The following HLA-DQA1 variants were observed in gnomAD, a reference collection of about 807,000 sequenced individuals.
HLA-DQA1 encodes HLA class II histocompatibility antigen, DQ alpha 1 chain.
In HLA-DQA1, 10 loss-of-function variants were observed where a neutral mutation model predicts 20.7. That is an observed-to-expected ratio of 0.48 (90% confidence interval 0.30 to 0.82). The LOEUF is 0.82. Among genes scored for constraint, HLA-DQA1 ranks in the 40% least tolerant of loss-of-function variants. The pLI is 0.07. For synonymous variants in HLA-DQA1, 39 were observed against 109.2 expected (o/e 0.36, Z 4.01); for missense variants, 127 against 293.0 (o/e 0.43, Z 4.14).
the HLA-DQA1 span, among the ~76,000 whole-genome samples, chr6:32,654,259 A>G: frequency 0.77 from 63,315 of 82,634 alleles, 28,018 homozygotes; most frequent in Middle Eastern, 0.85. Context: ...AGCTGTGATC[A>G]TACCACTGCA....
At chr6:32,640,720 T>C in intron 1 of HLA-DQA1, among the ~76,000 whole-genome samples, 1 of 107,334 alleles carries the variant, frequency 9.3e-6, no homozygotes. Flanking sequence ...TATTTTGTAA[T>C]GTTATTACCA....
At chr6:32,651,910 C>A (rs1183917920), downstream of HLA-DQA1, among the ~76,000 whole-genome samples, 2 of 96,478 alleles carry the variant, frequency 2.1e-5, 1 homozygote, top group Admixed American at 2.6e-4. Flanking sequence ...AAACTGACAA[C>A]AGACAGAAAG....
chr6:32,653,059 AG>A, the HLA-DQA1 span, among the ~76,000 whole-genome samples: 1 of 128,692 alleles, frequency 7.8e-6, no homozygotes, highest in East Asian at 2.4e-4. Context: ...CCGATGAGGC[AG>A]GTTTCATCAC....
downstream of HLA-DQA1, among the ~76,000 whole-genome samples, chr6:32,651,588 C>CAAAAAAAAAAAAAAAAAAAAA (rs70996710): frequency 1.1e-3 from 17 of 15,276 alleles, 1 homozygote; most frequent in African/African-American, 1.6e-3. Flanking sequence ...CGTCTCAAAG[C>CAAAAAAAAAAAAAAAAAAAAA]AAAAAAAAAA....
chr6:32,653,628 GC>G, the HLA-DQA1 span, among the ~76,000 whole-genome samples: 1 of 103,186 alleles, frequency 9.7e-6, no homozygotes, highest in African/African-American at 3.4e-5. Flanking sequence ...ACATGATCTG[GC>G]AATTCCACTC....
At chr6:32,653,933 A>G in the HLA-DQA1 span, among the ~76,000 whole-genome samples, 10 of 100,696 alleles carry the variant, frequency 9.9e-5, 2 homozygotes, top group African/African-American at 3.4e-4. Context: ...TGTGGAATCT[A>G]AAAAAGTCAA....
intron 3 of HLA-DQA1, 38 bp from the exon 4 acceptor site, chr6:32,642,572 C>A (rs9272780): frequency 0.45 from 587,979 of 1,301,324 alleles, 170,099 homozygotes; most frequent in East Asian, 0.67. Flanking sequence ...CACATGAGCA[C>A]ACTCTGCATT....
At chr6:32,641,816 A>G (rs9272728) in intron 2 of HLA-DQA1, among the ~76,000 whole-genome samples, 156 bp from the exon 3 acceptor site, 9,861 of 94,742 alleles carry the variant, frequency 0.1, 739 homozygotes, top group Middle Eastern at 0.27. Flanking sequence ...GGAATAAAGC[A>G]GAGGCAATGT....
At chr6:32,654,527 C>T in the HLA-DQA1 span, among the ~76,000 whole-genome samples, 6,255 of 65,768 alleles carry the variant, frequency 0.095, 713 homozygotes, top group Middle Eastern at 0.17. Flanking sequence ...ATACTTTAAG[C>T]CATCTCTAGA....
At chr6:32,655,262 T>TA in the HLA-DQA1 span, among the ~76,000 whole-genome samples, 144 of 77,414 alleles carry the variant, frequency 1.9e-3, no homozygotes, top group East Asian at 3.4e-3. Flanking sequence ...GTTTTCTGTT[T>TA]TTTAAAATCA....
chr6:32,645,055 A>G (rs1781801346), downstream of HLA-DQA1: 1 of 142,918 alleles, frequency 7.0e-6, no homozygotes, highest in African/African-American at 2.5e-5. Context: ...ATTCTGTTTG[A>G]TACCACAATG....
the HLA-DQA1 span, among the ~76,000 whole-genome samples, chr6:32,653,523 C>T: frequency 0.11 from 10,266 of 91,858 alleles, 3,766 homozygotes; most frequent in South Asian, 0.27. Flanking sequence ...CGGCCTCCCA[C>T]GTGCTGGGAT....
At chr6:32,653,830 T>A in the HLA-DQA1 span, among the ~76,000 whole-genome samples, 1 of 91,838 alleles carries the variant, frequency 1.1e-5, no homozygotes, top group South Asian at 3.3e-4. Flanking sequence ...GAAGGAAATC[T>A]TTTACATCAT....
At chr6:32,645,527 CA>C (rs1781840435), downstream of HLA-DQA1, 2 of 141,216 alleles carry the variant, frequency 1.4e-5, no homozygotes, top group Admixed American at 7.4e-5. Flanking sequence ...AATGCTGGCT[CA>C]CCCACTGCGT....
chr6:32,644,319 A>G (rs78846394), downstream of HLA-DQA1: 10,734 of 152,272 alleles, frequency 0.07, 474 homozygotes, highest in South Asian at 0.2. Context: ...TGGAGAAAAA[A>G]TACAAAACAT....
Position 32,642,272 on chromosome 6 carries a change from A to AT in HLA-DQA1, c.613+25dup. On this transcript the variant is annotated intron_variant, in intron 3 of 4. Coordinates refer to ENST00000343139, the MANE Select transcript of HLA-DQA1 (RefSeq NM_002122.5). ...CACTGGGGTAAGGATGAGTTTCATC[A>AT]TTTTTTGATTCTTTCTTGTCTGTCA... 7.6e-7 allele frequency: 1 copy of AT among 1,321,878 alleles called. No individual in the cohort carries two copies. Among genetic ancestry groups the AT allele is most frequent in the Non-Finnish European group, 1.1e-6 (1 of 952,266 alleles). The allele number at this position is 1,321,878 out of a possible 1,614,324, so 81.9% of individuals were successfully genotyped here.
At chr6:32,640,941 AGAG>A (rs1781346134) in intron 1 of HLA-DQA1, among the ~76,000 whole-genome samples, 1 of 102,178 alleles carries the variant, frequency 9.8e-6, no homozygotes, top group Non-Finnish European at 2.2e-5. Context: ...CTCAGGAAGC[AGAG>A]GGAAGTAAAC....
the HLA-DQA1 span, among the ~76,000 whole-genome samples, chr6:32,655,035 A>C: frequency 0.043 from 4,138 of 96,300 alleles, 1,359 homozygotes; most frequent in South Asian, 0.12. Context: ...TCTGTCCCAA[A>C]AAAAAAAAAA....
In HLA-DQA1 at chr6:32,642,229, G is replaced by A. The variant is rs774878538; in HGVS notation, c.589G>A (p.Asp197Asn). 2.4e-5 allele frequency: 33 copies of A among 1,370,690 alleles called. 5 individuals are homozygous for A. The highest frequency in any genetic ancestry group is 1.4e-4 in the Admixed American group (7 of 50,138). The allele number at this position is 1,370,690 out of a possible 1,614,324, so 84.9% of individuals were successfully genotyped here. Residue 197 changes from aspartate to asparagine, a missense_variant, in exon 3 of 5, where the codon GAC (aspartate) becomes AAC (asparagine). This residue lies in a region of HLA-DQA1 where 46 missense variants were observed against 152.1 expected (regional missense o/e 0.30). Transcript: ENST00000343139. Reference sequence around the variant, plus strand: ...CTGCAAGGTGGAGCACTGGGGCCTGGACCAGCCTCTTCTGAAACACTGGGG... The same window carrying A: ...CTGCAAGGTGGAGCACTGGGGCCTGAACCAGCCTCTTCTGAAACACTGGGG... ...YDCKVEHWGL[D>N]QPLLKHWEPE...
Sources: gnomAD v4.1 joint callset for allele counts (sites outside exome capture counted in the v4.1 genomes callset) on GRCh38, gnomAD v4.1.1 for gene constraint, gnomAD v4.1.1 regional missense constraint, MANE v1.5 for transcripts, NCBI Gene and HGNC (gene_info 2026-07-23, HGNC 2026-07-21) for gene names.